PCED1B: variants seen among roughly 807,000 people sequenced by gnomAD.
The protein encoded by PCED1B is PC-esterase domain containing 1B, also known as PC-esterase domain-containing protein 1B.
For synonymous variants in PCED1B, 251 were observed against 246.1 expected, an observed-to-expected ratio of 1.02 and a Z score of -0.19; for missense variants, 573 against 573.9, an observed-to-expected ratio of 1.00 and a Z score of 0.02.
intron 2 of PCED1B, among the ~76,000 whole-genome samples, chr12:47,113,105 T>C (rs907293615): frequency 3.9e-5 from 6 of 152,314 alleles, no homozygotes; most frequent in Middle Eastern, 3.4e-3. Flanking sequence ...ATTCATTCTG[T>C]AAAGCTGGGC....
chr12:47,208,768 A>T (rs1942988821), intron 2 of PCED1B: 1 of 152,102 alleles, frequency 6.6e-6, no homozygotes, highest in Admixed American at 6.6e-5. Flanking sequence ...GGGCTCCTAA[A>T]CTGCTGGGTT....
intron 2 of PCED1B, among the ~76,000 whole-genome samples, chr12:47,195,316 G>C (rs1014559931): frequency 7.0e-6 from 1 of 141,990 alleles, no homozygotes; most frequent in Non-Finnish European, 1.5e-5. Context: ...GCGATGGAGC[G>C]AGTCTCTGTC....
At chr12:47,234,912 C>T (rs1943923028) in intron 3 of PCED1B, 95 bp from the exon 4 acceptor site, 1 of 605,446 alleles carries the variant, frequency 1.7e-6, no homozygotes, top group African/African-American at 1.9e-5. Flanking sequence ...GGCCACAGCG[C>T]CATCCCCTTC....
chr12:47,197,540 G>A (rs185703237), intron 2 of PCED1B, among the ~76,000 whole-genome samples: 38 of 151,780 alleles, frequency 2.5e-4, no homozygotes, highest in Middle Eastern at 3.4e-3. Flanking sequence ...CCCAAAAGGC[G>A]GAGGTTGTAG....
At chr12:47,191,015 GC>G (rs1353437442) in intron 2 of PCED1B, among the ~76,000 whole-genome samples, 2 of 152,178 alleles carry the variant, frequency 1.3e-5, no homozygotes, top group Non-Finnish European at 2.9e-5. Flanking sequence ...CTTGCAGACA[GC>G]CCCTGGGGGT....
chr12:47,112,055 C>T (rs372390957), intron 2 of PCED1B, among the ~76,000 whole-genome samples: 3 of 152,286 alleles, frequency 2.0e-5, no homozygotes, highest in East Asian at 1.9e-4. Context: ...CCCCAGCCCA[C>T]GCGAGCTCTG....
At chr12:47,102,725 C>T (rs1938764839) in intron 1 of PCED1B, among the ~76,000 whole-genome samples, 2 of 152,256 alleles carry the variant, frequency 1.3e-5, no homozygotes, top group South Asian at 4.1e-4. Flanking sequence ...TAATAACACC[C>T]ACTTTATAGG....
chr12:47,160,385 G>A lies in PCED1B; in HGVS notation c.-525-55837G>A, dbSNP rs558658660. ...TGCAATCACAGCCCACTGAAGCCTC[G>A]AACACTTGGCCTCAAGCACAATCCT... On this transcript the variant is annotated intron_variant, in intron 2 of 3. Transcript: ENST00000546455. 5.4e-4 allele frequency among the ~76,000 whole-genome samples: 72 copies of A among 133,544 alleles called. 1 individual carries two copies. Among genetic ancestry groups the A allele is most frequent in the African/African-American group, 1.8e-3 (64 of 35,130 alleles). The allele number at this position is 133,544 out of a possible 152,430, so 87.6% of individuals were successfully genotyped here. A position where few individuals can be genotyped will look rare whatever the true frequency, so the allele number is the denominator to read the frequency against.
chr12:47,215,629 G>A (rs1172839527), intron 2 of PCED1B, among the ~76,000 whole-genome samples: 1 of 152,240 alleles, frequency 6.6e-6, no homozygotes, highest in Non-Finnish European at 1.5e-5. Flanking sequence ...GGAGGAAGCA[G>A]AAAGTTCTTA....
chr12:47,234,659 C>T (rs1943915006), intron 3 of PCED1B, among the ~76,000 whole-genome samples: 1 of 152,156 alleles, frequency 6.6e-6, no homozygotes, highest in East Asian at 1.9e-4. Context: ...CCTCCAGGCT[C>T]TTGGCTAGGC....
intron 2 of PCED1B, among the ~76,000 whole-genome samples, chr12:47,214,686 T>C (rs891632846): frequency 6.6e-6 from 1 of 152,110 alleles, no homozygotes; most frequent in African/African-American, 2.4e-5. Context: ...TTTTTAATTA[T>C]ATGCACACAC....
chr12:47,211,992 G>A (rs1173469551), intron 2 of PCED1B, among the ~76,000 whole-genome samples: 1 of 150,570 alleles, frequency 6.6e-6, no homozygotes, highest in Non-Finnish European at 1.5e-5. Context: ...GGAGAATGGC[G>A]TGAACCCGGG....
At chr12:47,169,666 A>G (rs192821582) in intron 2 of PCED1B, among the ~76,000 whole-genome samples, 2 of 152,256 alleles carry the variant, frequency 1.3e-5, no homozygotes, top group South Asian at 2.1e-4. Context: ...TAATACATAC[A>G]AAGTAATTAC....
intron 3 of PCED1B, among the ~76,000 whole-genome samples, chr12:47,222,265 CA>C (rs1164524016): frequency 6.6e-6 from 1 of 150,766 alleles, no homozygotes; most frequent in Non-Finnish European, 1.5e-5. Flanking sequence ...ACTAAAAATA[CA>C]AAAAAATTAG....
chr12:47,172,020 G>A (rs1941759728), intron 2 of PCED1B, among the ~76,000 whole-genome samples: 1 of 152,002 alleles, frequency 6.6e-6, no homozygotes, highest in African/African-American at 2.4e-5. Context: ...TTGGAGTTCA[G>A]AAATCTTACC....
At chr12:47,101,584 C>T (rs1023871144) in intron 1 of PCED1B, among the ~76,000 whole-genome samples, 2 of 152,246 alleles carry the variant, frequency 1.3e-5, no homozygotes, top group Non-Finnish European at 2.9e-5. Flanking sequence ...GCCCCCTTTC[C>T]CATTCTGACT....
intron 3 of PCED1B, among the ~76,000 whole-genome samples, chr12:47,220,997 C>T (rs183313442): frequency 1.3e-5 from 2 of 152,128 alleles, no homozygotes; most frequent in Non-Finnish European, 2.9e-5. Flanking sequence ...AGGATCATAT[C>T]CCAAGACATA....
At chr12:47,171,825 T>C (rs11183769) in intron 2 of PCED1B, among the ~76,000 whole-genome samples, 84,950 of 151,470 alleles carry the variant, frequency 0.56, 25,130 homozygotes, top group South Asian at 0.66. Flanking sequence ...CTTCCTCTTC[T>C]TCTTCTTCTT....
chr12:47,230,688 T>C (rs832711), intron 3 of PCED1B, among the ~76,000 whole-genome samples: 19,752 of 152,190 alleles, frequency 0.13, 1,348 homozygotes, highest in African/African-American at 0.16. Context: ...GTGATCCACC[T>C]GCCTCGGCCT....
Sources: gnomAD v4.1 joint callset for allele counts (sites outside exome capture counted in the v4.1 genomes callset) on GRCh38, gnomAD v4.1.1 for gene constraint, MANE v1.5 for transcripts, NCBI Gene and HGNC (gene_info 2026-07-23, HGNC 2026-07-21) for gene names.